SPATA2: variants seen among roughly 807,000 people sequenced by gnomAD.
The protein encoded by SPATA2 is spermatogenesis-associated protein 2.
Under a neutral mutation model 35.4 loss-of-function variants are expected in SPATA2, and 8 were observed. The observed-to-expected ratio is 0.23, with a 90% confidence interval of 0.13 to 0.41. The LOEUF is 0.41. Ranked by LOEUF, SPATA2 falls within the 10% of genes least tolerant of loss-of-function variation. The pLI is 1.00. For synonymous variants in SPATA2, 293 were observed against 300.9 expected, an observed-to-expected ratio of 0.97 and a Z score of 0.27; for missense variants, 650 against 698.7, an observed-to-expected ratio of 0.93 and a Z score of 0.79.
intron 1 of SPATA2, chr20:49,913,603 G>C (rs2090193261): frequency 6.6e-6 from 1 of 152,154 alleles, no homozygotes; most frequent in Non-Finnish European, 1.5e-5. Context: ...AGCTCTACTC[G>C]AAAGTGTTTG....
In SPATA2 at chr20:49,908,602, G is replaced by A. The variant is rs1006670475; in HGVS notation, c.-102-10C>T. On this transcript the variant is annotated splice_polypyrimidine_tract_variant and intron_variant, in intron 1 of 2. Transcript: ENST00000289431. The stretch of plus-strand genomic sequence containing the variant: ...GGACCAGCGGAGTGCTCTGGAAGGA[G>A]GGGAACAAGAAGCATGTCATTCCTC... 1.1e-6 allele frequency: 1 copy of A among 882,104 alleles called. No homozygotes were observed. 54.6% of individuals were successfully genotyped at this position (882,104 alleles called of 1,614,324 possible). A position where few individuals can be genotyped will look rare whatever the true frequency, so the allele number is the denominator to read the frequency against.
In SPATA2 at chr20:49,905,736, G is replaced by A; in HGVS notation, c.1446C>T (p.Ala482=). 6.2e-7 allele frequency: 1 copy of A among 1,614,278 alleles called. No homozygotes were observed. The highest frequency in any genetic ancestry group is 8.5e-7 in the Non-Finnish European group (1 of 1,180,044). The change falls in exon 3 of 3, where the codon GCC becomes GCT. Residue 482 remains alanine (A), a synonymous_variant. Transcript: ENST00000289431. ...CTQCSKVSCD[A]CLSAYHYDPC... ...GGTCATAATGGTAAGCGCTGAGGCA[G>A]GCGTCACATGAGACTTTTGAACACT...
Position 49,906,596 on chromosome 20 carries a change from C to G in SPATA2, c.586G>C (p.Glu196Gln). The change falls in exon 3 of 3, where the codon GAG becomes CAG. Residue 196 changes from glutamate (E) to glutamine (Q), a missense_variant. Physicochemically the swap from Glu to Gln is conservative, Grantham distance 29. Coordinates refer to ENST00000289431, the MANE Select transcript of SPATA2 (RefSeq NM_006038.4). The surrounding 1 kb of genome is among the most constrained non-coding windows in gnomAD (Gnocchi z 8.2). ...ACATCCTCTGCACTGCTCTTGCGCT[C>G]GCTCACAATGTCCAGCTCGGAGTAG... ...KGYSELDIVSERKSSAEDVRG... is the reference protein window; with the variant it reads ...KGYSELDIVSQRKSSAEDVRG... 3 of 1,614,204 alleles carry G rather than the reference C, an allele frequency of 1.9e-6. No individual in the cohort carries two copies. The highest frequency in any genetic ancestry group is 2.5e-6 in the Non-Finnish European group (3 of 1,180,032).
At position 49,904,342 on chromosome 20, in the gene SPATA2, C is replaced by T. The variant is rs1341097798; in HGVS notation, c.*1277G>A. The T allele has an allele frequency of 6.6e-6, 1 of 152,504 alleles. No homozygotes were observed. The highest frequency in any genetic ancestry group is 2.4e-5 in the African/African-American group (1 of 41,416). 9.4% of individuals were successfully genotyped at this position (152,504 alleles called of 1,614,324 possible). A position where few individuals can be genotyped will look rare whatever the true frequency, so the allele number is the denominator to read the frequency against. Reference sequence around the variant, plus strand: ...TGATGGGCACATGCCGACTCCTGCCCACTTTTAGTGCAAAAAGATTGCAAA... The same window carrying T: ...TGATGGGCACATGCCGACTCCTGCCTACTTTTAGTGCAAAAAGATTGCAAA... On this transcript the variant is annotated 3_prime_UTR_variant, in exon 3 of 3. Coordinates refer to ENST00000289431, the MANE Select transcript of SPATA2 (RefSeq NM_006038.4).
rs765517414 is a variant in SPATA2, at chr20:49,906,047, C to T, written c.1135G>A (p.Ala379Thr). ...HKRSPPAKES[A>T]LSKCQSCGLS... is the part of the protein sequence containing the mutation. ...CCGCAGCTTTGGCACTTGGAGAGGG[C>T]GGACTCTTTGGCAGGGGGCGAGCGC... The change falls in exon 3 of 3, where the codon GCC becomes ACC. Residue 379 changes from alanine to threonine, a missense_variant. Physicochemically the swap from Ala to Thr is moderately conservative, Grantham distance 58. Coordinates refer to ENST00000289431, the MANE Select transcript of SPATA2 (RefSeq NM_006038.4). The surrounding 1 kb of genome is among the most constrained non-coding windows in gnomAD (Gnocchi z 8.2). The T allele has an allele frequency of 3.7e-6, 6 of 1,605,982 alleles. No homozygotes were observed. The highest frequency in any genetic ancestry group is 1.1e-5 in the South Asian group (1 of 90,990).
rs2146831987 is a variant in SPATA2, at chr20:49,908,418, T to G, written c.73A>C (p.Ser25Arg). The G allele has an allele frequency of 1.2e-6, 2 of 1,613,812 alleles. No individual in the cohort carries two copies. Reference sequence around the variant, plus strand: ...CTGCTGGTGGTGGTATCCACTTTGCTCTCATGGAACTGCACGTACTTCCGA... The same window carrying G: ...CTGCTGGTGGTGGTATCCACTTTGCGCTCATGGAACTGCACGTACTTCCGA... The part of the protein sequence containing the change: ...LFRKYVQFHE[S>R]KVDTTTSRQR... Residue 25 changes from serine to arginine, a missense_variant, in exon 2 of 3, where the codon AGC becomes CGC. Transcript: ENST00000289431.
chr20:49,908,019 C>T (rs1290176921), intron 2 of SPATA2, 136 bp downstream of exon 2: 13 of 865,370 alleles, frequency 1.5e-5, no homozygotes, highest in African/African-American at 8.4e-5. Context: ...GCTGGAGAGA[C>T]GGGGAAGGTT....
rs572106082 is a variant in SPATA2 at position 49,908,974 on chromosome 20, C to T, written c.-102-382G>A. Among the ~76,000 whole-genome samples, 3 of 152,236 alleles carry T rather than the reference C, an allele frequency of 2.0e-5. No homozygotes were observed. The South Asian group carries it at 6.2e-4, about 32-fold the overall frequency. Reference sequence around the variant, plus strand: ...AGTCGCAGTAGAGGAAGGCCCTGAGCTAATAGTACCAGAGGCTCCAGACAC... The same window carrying T: ...AGTCGCAGTAGAGGAAGGCCCTGAGTTAATAGTACCAGAGGCTCCAGACAC... On this transcript the variant is annotated intron_variant, in intron 1 of 2. Coordinates refer to ENST00000289431, the MANE Select transcript of SPATA2 (RefSeq NM_006038.4).
intron 2 of SPATA2, among the ~76,000 whole-genome samples, chr20:49,907,219 C>G (rs912077601): frequency 3.3e-5 from 5 of 152,190 alleles, no homozygotes; most frequent in African/African-American, 9.7e-5. Flanking sequence ...CGCCAACACG[C>G]CCAGCTAATT....
At position 49,904,991 on chromosome 20, in the gene SPATA2, G is replaced by A. The variant is rs1369675518; in HGVS notation, c.*628C>T. 1.3e-5 allele frequency: 2 copies of A among 153,934 alleles called. No individual in the cohort carries two copies. The highest frequency in any genetic ancestry group is 1.4e-5 in the Non-Finnish European group (1 of 68,996). 9.5% of individuals were successfully genotyped at this position (153,934 alleles called of 1,614,324 possible). On this transcript the variant is annotated 3_prime_UTR_variant, in exon 3 of 3. Transcript: ENST00000289431. ...TTCACGAAGGCCATGGGCTGACTGA[G>A]CTGTGGTGTACGAAATGACATTCAG...
chr20:49,914,768 C>A (rs192675443), intron 1 of SPATA2, among the ~76,000 whole-genome samples: 87 of 152,342 alleles, frequency 5.7e-4, no homozygotes, highest in Admixed American at 4.9e-3. Flanking sequence ...TAAGTCCCAG[C>A]TCGGTCATTC....
intron 1 of SPATA2, among the ~76,000 whole-genome samples, chr20:49,909,987 C>T (rs1568908687): frequency 6.6e-6 from 1 of 152,208 alleles, no homozygotes; most frequent in African/African-American, 2.4e-5. Context: ...GCTTGACAGC[C>T]CCCTGTTGGG....
Position 49,905,775 on chromosome 20 carries a change from G to T in SPATA2, c.1407C>A (p.Thr469=). ...CTTTTGAACACTGGGTGCAGGTGTT[G>T]GTGGCGCCTGGGCGGTTGCAGAAGC... ...RCGFCNRPGA[T]NTCTQCSKVS... is the part of the protein sequence containing the mutation. Residue 469 remains threonine, a synonymous_variant, in exon 3 of 3, where the codon ACC becomes ACA. Transcript: ENST00000289431. The T allele has an allele frequency of 6.2e-7, 1 of 1,614,242 alleles. No individual in the cohort carries two copies. The highest frequency in any genetic ancestry group is 8.5e-7 in the Non-Finnish European group (1 of 1,180,038).
chr20:49,909,750 G>A (rs1018376517), intron 1 of SPATA2, among the ~76,000 whole-genome samples: 9 of 152,184 alleles, frequency 5.9e-5, no homozygotes, highest in Non-Finnish European at 1.5e-5. Flanking sequence ...GGGGCATGAG[G>A]AGAGGCAGAT....
At chr20:49,908,084 C>T (rs2090158952) in intron 2 of SPATA2, 71 bp downstream of exon 2, 1 of 1,440,414 alleles carries the variant, frequency 6.9e-7, no homozygotes, top group South Asian at 1.3e-5. Flanking sequence ...CTGGCATAGC[C>T]TCTCAGGAGG....
rs900407502 is a variant in SPATA2 at position 49,904,279 on chromosome 20, C to T, written c.*1340G>A. 9 of 152,410 alleles carry T rather than the reference C, an allele frequency of 5.9e-5. No individual in the cohort carries two copies. The highest frequency in any genetic ancestry group is 1.9e-4 in the African/African-American group (8 of 41,386). 9.4% of individuals were successfully genotyped at this position (152,410 alleles called of 1,614,324 possible). A position where few individuals can be genotyped will look rare whatever the true frequency, so the allele number is the denominator to read the frequency against. ...CTGAAGGGGCCTTCAGGCTTGGAAGCGCTTAGGCTTAGCTGAGCATCTGAG... is the reference window on the plus strand; with the variant it reads ...CTGAAGGGGCCTTCAGGCTTGGAAGTGCTTAGGCTTAGCTGAGCATCTGAG... On this transcript the variant is annotated 3_prime_UTR_variant, in exon 3 of 3. Transcript: ENST00000289431.
In SPATA2 at chr20:49,906,754, T is replaced by A. The variant is rs765803229; in HGVS notation, c.428A>T (p.Glu143Val). The A allele has an allele frequency of 3.3e-5, 53 of 1,614,078 alleles. No homozygotes were observed. Among genetic ancestry groups the A allele is most frequent in the Admixed American group, 2.3e-4 (14 of 60,010 alleles). Reference protein sequence around the residue: ...AILSCMGYTPELGTAYKLREL... With the variant: ...AILSCMGYTPVLGTAYKLREL... ...TCTGAGCTTGTATGCAGTGCCCAGC[T>A]CAGGTGTGTAGCCCATGCAGCTCAG... The change falls in exon 3 of 3, where the codon GAG becomes GTG. Residue 143 changes from glutamate (E) to valine (V), a missense_variant. Transcript: ENST00000289431. This position sits in a 1 kb window ranked among gnomAD's most constrained non-coding sequence, Gnocchi z 8.2.
At chr20:49,907,503 C>T (rs528780229) in intron 2 of SPATA2, among the ~76,000 whole-genome samples, 25 of 152,282 alleles carry the variant, frequency 1.6e-4, no homozygotes, top group African/African-American at 5.8e-4. Flanking sequence ...ACAATCAGAA[C>T]GTTCCTCTCT....
Position 49,908,396 on chromosome 20 carries a change from C to CTGG in SPATA2, c.92_94dup (p.Thr31dup). 2 of 1,614,182 alleles carry CTGG rather than the reference C, an allele frequency of 1.2e-6. No individual in the cohort carries two copies. The highest frequency in any genetic ancestry group is 1.7e-6 in the Non-Finnish European group (2 of 1,179,976). ...CTCATCGCTGCCAGGCCGCTGCCTGCTGGTGGTGGTATCCACTTTGCTCTC... is the reference window on the plus strand; with the variant it reads ...CTCATCGCTGCCAGGCCGCTGCCTGCTGGTGGTGGTGGTATCCACTTTGCTCTC... On this transcript the variant is annotated inframe_insertion, in exon 2 of 3. Transcript: ENST00000289431.
Sources: allele counts gnomAD v4.1 joint callset (sites outside exome capture counted in the v4.1 genomes callset), GRCh38; gene constraint gnomAD v4.1.1; non-coding constraint Gnocchi (gnomAD v3.1); transcripts MANE v1.5; gene names NCBI Gene and HGNC (gene_info 2026-07-23, HGNC 2026-07-21).